The following CEP20 variants were observed in gnomAD, a reference collection of about 807,000 sequenced individuals.
CEP20 encodes the protein FGFR1OP N-terminal like.
CEP20 carries 18 observed loss-of-function variants against 20.0 expected under a neutral mutation model. The ratio of observed to expected loss-of-function variants is 0.90; its 90% CI spans 0.62 to 1.34. The LOEUF is 1.34. Ranked by LOEUF, CEP20 falls within the 40% of genes most tolerant of loss-of-function variation. The pLI is 0.00. For missense variants in CEP20, 215 were observed against 201.6 expected (o/e 1.07, Z -0.40); for synonymous variants, 77 against 73.7 (o/e 1.04, Z -0.23).
intron 4 of CEP20, among the ~76,000 whole-genome samples, chr16:15,868,735 C>A (rs939403844): frequency 2.0e-5 from 3 of 152,116 alleles, no homozygotes; most frequent in Non-Finnish European, 4.4e-5. Flanking sequence ...ATCTCTCTCC[C>A]TTTATTTTAG....
intron 1 of CEP20, among the ~76,000 whole-genome samples, chr16:15,887,061 C>CT (rs1375035746): frequency 6.6e-6 from 1 of 151,532 alleles, no homozygotes; most frequent in Non-Finnish European, 1.5e-5. Context: ...ATGCCCGGCT[C>CT]TTTTTTTTAA....
At chr16:15,882,777 A>G (rs2045134812) in intron 2 of CEP20, among the ~76,000 whole-genome samples, 1 of 52,590 alleles carries the variant, frequency 1.9e-5, no homozygotes, top group Non-Finnish European at 3.5e-5. Context: ...CTATCTATCT[A>G]TCTAGATACA....
Position 15,867,426 on chromosome 16 carries a change from C to A in CEP20, c.*14G>T. 1 of 1,562,352 alleles carries A rather than the reference C, an allele frequency of 6.4e-7. No individual in the cohort carries two copies. The highest frequency in any genetic ancestry group is 8.7e-7 in the Non-Finnish European group (1 of 1,150,086). On this transcript the variant is annotated 3_prime_UTR_variant, in exon 5 of 5. Coordinates refer to ENST00000255759, the MANE Select transcript of CEP20 (RefSeq NM_144600.4). ...TAATACAATTTTAAGACAAAAGATA[C>A]CCCAAACAAAGCATTATCTGTTGAC...
intron 4 of CEP20, among the ~76,000 whole-genome samples, chr16:15,871,864 C>T (rs528323865): frequency 3.9e-5 from 6 of 152,288 alleles, no homozygotes; most frequent in Admixed American, 2.6e-4. Context: ...GCATCTAACA[C>T]GGTCACTACT....
At chr16:15,870,193 G>GT (rs59351953) in intron 4 of CEP20, among the ~76,000 whole-genome samples, 10,115 of 152,182 alleles carry the variant, frequency 0.066, 447 homozygotes, top group East Asian at 0.22. Context: ...GTCATGAGCC[G>GT]TGAGTATTAA....
At chr16:15,877,852 C>T (rs1272869691) in intron 3 of CEP20, among the ~76,000 whole-genome samples, 7 of 151,870 alleles carry the variant, frequency 4.6e-5, no homozygotes, top group East Asian at 1.9e-4. Context: ...GCCAGGAGTT[C>T]GAGACCGGCC....
chr16:15,883,750 G>A (rs1291533431), intron 2 of CEP20, among the ~76,000 whole-genome samples: 2 of 152,032 alleles, frequency 1.3e-5, no homozygotes, highest in East Asian at 1.9e-4. Flanking sequence ...AGGACAAAAC[G>A]TCAACAATTG....
intron 3 of CEP20, among the ~76,000 whole-genome samples, chr16:15,876,301 C>G: frequency 6.6e-6 from 1 of 151,586 alleles, no homozygotes; most frequent in South Asian, 2.1e-4. Context: ...CACGGTGAAA[C>G]CGTCTCTACT....
In CEP20 at chr16:15,876,303, G is replaced by A. The variant is rs542014778; in HGVS notation, c.312-2676C>T. On this transcript the variant is annotated intron_variant, in intron 3 of 4. Transcript: ENST00000255759. ...CCATCCTGGCTAACACGGTGAAACCGTCTCTACTAAAAATACAAAAAATTA... is the reference window on the plus strand; with the variant it reads ...CCATCCTGGCTAACACGGTGAAACCATCTCTACTAAAAATACAAAAAATTA... Among the ~76,000 whole-genome samples, 8 of 151,460 alleles carry A rather than the reference G, an allele frequency of 5.3e-5. No homozygotes were observed. The South Asian group carries it at 1.0e-3, about 20-fold the overall frequency.
chr16:15,868,027 C>G (rs1037966932), intron 4 of CEP20, among the ~76,000 whole-genome samples: 8 of 150,110 alleles, frequency 5.3e-5, no homozygotes, highest in African/African-American at 2.0e-4. Flanking sequence ...ATTAGGGACT[C>G]TAATTATTCA....
At position 15,867,350 on chromosome 16, in the gene CEP20, TTAG is replaced by T; in HGVS notation, c.*87_*89del. Reference sequence around the variant, plus strand: ...GTAGAAACTCCAATTTCTACAAACATTAGTGGTGCATTTTGGTAACATTGGGAC... The same window carrying T: ...GTAGAAACTCCAATTTCTACAAACATTGGTGCATTTTGGTAACATTGGGAC... On this transcript the variant is annotated 3_prime_UTR_variant, in exon 5 of 5. Transcript: ENST00000255759. 1 of 935,368 alleles carries T rather than the reference TTAG, an allele frequency of 1.1e-6. No homozygotes were observed. The allele number at this position is 935,368 out of a possible 1,614,324, so 57.9% of individuals were successfully genotyped here.
chr16:15,869,357 C>T (rs2044758845), intron 4 of CEP20, among the ~76,000 whole-genome samples: 1 of 144,316 alleles, frequency 6.9e-6, no homozygotes. Flanking sequence ...GTCGCCCAGG[C>T]TGGAGTGTAG....
At chr16:15,868,762 G>GA (rs35004554) in intron 4 of CEP20, among the ~76,000 whole-genome samples, 3,580 of 151,878 alleles carry the variant, frequency 0.024, 53 homozygotes, top group Non-Finnish European at 0.032. Flanking sequence ...TTGCTGGACA[G>GA]AAAAAAAATT....
At chr16:15,871,599 C>A (rs1567233617) in intron 4 of CEP20, among the ~76,000 whole-genome samples, 1 of 152,136 alleles carries the variant, frequency 6.6e-6, no homozygotes, top group Admixed American at 6.5e-5. Flanking sequence ...ACGGGAACAG[C>A]AATCAAATGT....
Position 15,881,342 on chromosome 16 carries a change from T to G in CEP20, c.227-1454A>C, listed in dbSNP as rs934405179. 7.2e-5 allele frequency among the ~76,000 whole-genome samples: 11 copies of G among 152,234 alleles called. 1 individual carries two copies. Among genetic ancestry groups the G allele is most frequent in the Admixed American group, 7.2e-4 (11 of 15,282 alleles). On this transcript the variant is annotated intron_variant, in intron 2 of 4. Transcript: ENST00000255759. ...AAGTCCCCACTATTTTCATAATTTC[T>G]TCTTTTCTGGGTGTAACTGGTATCA...
chr16:15,868,841 T>C (rs376393827), intron 4 of CEP20, among the ~76,000 whole-genome samples: 12 of 152,194 alleles, frequency 7.9e-5, no homozygotes, highest in African/African-American at 2.9e-4. Flanking sequence ...AAGTCTACTA[T>C]GCTTGATAGA....
Position 15,884,223 on chromosome 16 carries a change from T to A in CEP20, c.29-18A>T. ...CTTTAAAACTGTTCGATATAAAATA[T>A]TAAGGCTTCAGTTACAGAGTAAATT... On this transcript the variant is annotated intron_variant, in intron 1 of 4. Transcript: ENST00000255759. 1 of 1,582,326 alleles carries A rather than the reference T, an allele frequency of 6.3e-7. No individual in the cohort carries two copies. The highest frequency in any genetic ancestry group is 1.1e-5 in the South Asian group (1 of 87,368).
intron 1 of CEP20, among the ~76,000 whole-genome samples, chr16:15,884,860 T>G (rs910049529): frequency 6.6e-6 from 1 of 152,180 alleles, no homozygotes; most frequent in African/African-American, 2.4e-5. Flanking sequence ...AGTTGCTTAC[T>G]GAGACCTGAA....
Position 15,866,080 on chromosome 16 carries a change from T to C in CEP20, c.*1360A>G, listed in dbSNP as rs964728951. On this transcript the variant is annotated 3_prime_UTR_variant, in exon 5 of 5. Transcript: ENST00000255759. ...AAAAATGGAAAATGGACTCTTGCAATACTTCTGCATCCATATATAATTTTA... is the reference window on the plus strand; with the variant it reads ...AAAAATGGAAAATGGACTCTTGCAACACTTCTGCATCCATATATAATTTTA... 1 of 152,208 alleles carries C rather than the reference T, an allele frequency of 6.6e-6. No individual in the cohort carries two copies. Among genetic ancestry groups the C allele is most frequent in the African/African-American group, 2.4e-5 (1 of 41,456 alleles). 9.4% of individuals were successfully genotyped at this position (152,208 alleles called of 1,614,324 possible).
Sources: allele counts gnomAD v4.1 joint callset (sites outside exome capture counted in the v4.1 genomes callset), GRCh38; gene constraint gnomAD v4.1.1; transcripts MANE v1.5; gene names NCBI Gene and HGNC (gene_info 2026-07-23, HGNC 2026-07-21).